The following CRISP2 variants were observed in gnomAD, a reference collection of about 807,000 sequenced individuals.
The protein encoded by CRISP2 is cysteine-rich secretory protein 2.
CRISP2 carries 29 observed loss-of-function variants against 31.7 expected under a neutral mutation model. The observed-to-expected ratio is 0.92, with a 90% CI of 0.68 to 1.25. The LOEUF (loss-of-function observed/expected upper bound fraction) is 1.25. CRISP2 is among the 50% of genes most tolerant of loss of function. CRISP2 has a pLI of 0.00. For missense variants in CRISP2, 318 were observed against 286.5 expected, an observed-to-expected ratio of 1.11 and a Z score of -0.79; for synonymous variants, 111 against 101.4, an observed-to-expected ratio of 1.09 and a Z score of -0.57.
rs907431930 is a variant in CRISP2, at chr6:49,705,721, GCTT to G, written c.66+3407_66+3409del. ...GAGTGCCTACAGGGCTCTTCTCACT[GCTT>G]CTTCTTCTTTTTTATTTTGCATGGC... is the stretch of plus-strand genomic sequence containing the variant. On this transcript the variant is annotated intron_variant, in intron 4 of 9. Transcript: ENST00000339139. Among the ~76,000 whole-genome samples the G allele has an allele frequency of 2.8e-4, 42 of 152,222 alleles. 2 individuals carry two copies. The highest frequency in any genetic ancestry group is 5.9e-4 in the Admixed American group (9 of 15,288).
At chr6:49,701,071 T>C (rs1322426051) in intron 4 of CRISP2, among the ~76,000 whole-genome samples, 1 of 152,078 alleles carries the variant, frequency 6.6e-6, no homozygotes, top group Non-Finnish European at 1.5e-5. Flanking sequence ...GAGTAACTCA[T>C]GGCATGACAA....
the CRISP2 span, among the ~76,000 whole-genome samples, chr6:49,684,697 T>C: frequency 6.6e-6 from 1 of 152,204 alleles, no homozygotes; most frequent in African/African-American, 2.4e-5. Flanking sequence ...AATTTTAACA[T>C]GTAAATTAGG....
intron 8 of CRISP2, among the ~76,000 whole-genome samples, chr6:49,696,285 G>A (rs1363346053): frequency 6.6e-6 from 1 of 152,074 alleles, no homozygotes; most frequent in Non-Finnish European, 1.5e-5. Context: ...ATCCTGTAGA[G>A]GGAAAGGAGA....
chr6:49,676,661 G>A, the CRISP2 span, among the ~76,000 whole-genome samples: 13 of 152,200 alleles, frequency 8.5e-5, no homozygotes, highest in Admixed American at 6.6e-4. Flanking sequence ...GTTTACAGCC[G>A]AGAATGAGTT....
At chr6:49,702,182 T>C (rs867506277) in intron 4 of CRISP2, among the ~76,000 whole-genome samples, 3 of 120,420 alleles carry the variant, frequency 2.5e-5, no homozygotes, top group Non-Finnish European at 5.1e-5. Flanking sequence ...TATATATATA[T>C]AACATTTTCT....
At chr6:49,706,500 T>C (rs1200453773) in intron 4 of CRISP2, among the ~76,000 whole-genome samples, 1 of 152,128 alleles carries the variant, frequency 6.6e-6, no homozygotes, top group African/African-American at 2.4e-5. Flanking sequence ...GCTAATATGT[T>C]TGGTTTATCT....
chr6:49,701,702 ATG>A (rs1223076460), intron 4 of CRISP2, among the ~76,000 whole-genome samples: 1,165 of 113,578 alleles, frequency 0.01, no homozygotes, highest in East Asian at 0.014. Context: ...TGTATACATT[ATG>A]TATACATATA....
chr6:49,689,748 G>A (rs951236849), downstream of CRISP2, among the ~76,000 whole-genome samples: 1 of 151,848 alleles, frequency 6.6e-6, no homozygotes, highest in African/African-American at 2.4e-5. Context: ...TGAGTAAATG[G>A]AGGAACTTAT....
At chr6:49,684,773 G>T in the CRISP2 span, among the ~76,000 whole-genome samples, 1 of 152,050 alleles carries the variant, frequency 6.6e-6, no homozygotes, top group South Asian at 2.1e-4. Flanking sequence ...GTTTTTATAT[G>T]TGGATGTGTT....
intron 4 of CRISP2, among the ~76,000 whole-genome samples, chr6:49,704,304 G>A (rs969725381): frequency 6.6e-6 from 1 of 151,724 alleles, no homozygotes; most frequent in Non-Finnish European, 1.5e-5. Context: ...CCTTTCTCTG[G>A]TTCCTCCTTG....
chr6:49,693,007 C>T (rs1764173163), intron 9 of CRISP2, 107 bp from the exon 10 acceptor site: 2 of 1,111,190 alleles, frequency 1.8e-6, no homozygotes, highest in Non-Finnish European at 1.3e-6. Flanking sequence ...AACAAGTTAG[C>T]ATCGCTTACA....
intron 9 of CRISP2, 80 bp from the exon 10 acceptor site, chr6:49,692,980 G>T: frequency 6.8e-7 from 1 of 1,462,280 alleles, no homozygotes; most frequent in Non-Finnish European, 9.5e-7. Flanking sequence ...TGTGTGGGGA[G>T]GGGGTAGGAG....
At chr6:49,678,078 AT>A in the CRISP2 span, among the ~76,000 whole-genome samples, 1 of 152,148 alleles carries the variant, frequency 6.6e-6, no homozygotes, top group Non-Finnish European at 1.5e-5. Context: ...CTGAGATAAC[AT>A]ACTTGCAGGG....
the CRISP2 span, among the ~76,000 whole-genome samples, chr6:49,676,766 T>G: frequency 6.6e-6 from 1 of 152,044 alleles, no homozygotes; most frequent in Non-Finnish European, 1.5e-5. Flanking sequence ...CTGTGGAGGA[T>G]GAGAAGCTGA....
intron 9 of CRISP2, among the ~76,000 whole-genome samples, chr6:49,693,907 C>T (rs1764310147): frequency 6.6e-6 from 1 of 152,162 alleles, no homozygotes; most frequent in African/African-American, 2.4e-5. Context: ...CTAAAGATTA[C>T]ACATTTCCAT....
intron 4 of CRISP2, among the ~76,000 whole-genome samples, chr6:49,701,360 G>C (rs1765647241): frequency 6.6e-6 from 1 of 151,464 alleles, no homozygotes; most frequent in Non-Finnish European, 1.5e-5. Context: ...CCACTTATTA[G>C]TGAGGACATA....
intron 9 of CRISP2, among the ~76,000 whole-genome samples, chr6:49,694,128 C>T (rs926404960): frequency 2.0e-5 from 3 of 152,160 alleles, no homozygotes; most frequent in Admixed American, 6.5e-5. Context: ...CCTAAGATGG[C>T]AGTTATTTCA....
chr6:49,710,638 G>T (rs1767850084), intron 3 of CRISP2, among the ~76,000 whole-genome samples: 1 of 152,024 alleles, frequency 6.6e-6, no homozygotes, highest in Non-Finnish European at 1.5e-5. Context: ...ATTAAAGGTA[G>T]TTCTAGTATA....
downstream of CRISP2, among the ~76,000 whole-genome samples, chr6:49,688,437 T>C (rs1284926793): frequency 6.6e-6 from 1 of 152,220 alleles, no homozygotes; most frequent in African/African-American, 2.4e-5. Flanking sequence ...TGCTTTTTTT[T>C]TCAATTAGGA....
Sources: allele counts gnomAD v4.1 joint callset (sites outside exome capture counted in the v4.1 genomes callset), GRCh38; gene constraint gnomAD v4.1.1; transcripts MANE v1.5; gene names NCBI Gene and HGNC (gene_info 2026-07-23, HGNC 2026-07-21).